VSNL1: variants seen among roughly 807,000 people sequenced by gnomAD.
VSNL1 encodes visinin like 1, also known as visinin-like protein 1.
VSNL1 carries 6 observed loss-of-function variants against 20.4 expected under a neutral mutation model. The observed-to-expected ratio is 0.29, with a 90% CI of 0.16 to 0.58. The LOEUF (loss-of-function observed/expected upper bound fraction) is 0.58. Ranked by LOEUF, VSNL1 falls within the 20% of genes least tolerant of loss-of-function variation. The pLI is 0.90. For missense variants in VSNL1, 100 were observed against 234.5 expected (o/e 0.43, Z 3.75); for synonymous variants, 93 against 86.4 (o/e 1.08, Z -0.42).
At chr2:17,607,828 A>T (rs909112789) in intron 2 of VSNL1, among the ~76,000 whole-genome samples, 1 of 152,272 alleles carries the variant, frequency 6.6e-6, no homozygotes, top group Non-Finnish European at 1.5e-5. Context: ...GAAATGAAAC[A>T]TTTAAAGAGT....
At chr2:17,606,632 A>G (rs2555084) in intron 2 of VSNL1, among the ~76,000 whole-genome samples, 107,563 of 152,004 alleles carry the variant, frequency 0.71, 39,679 homozygotes, top group Middle Eastern at 0.89. Flanking sequence ...ATGACCATAA[A>G]CTGGGATCAT....
At chr2:17,647,716 G>C (rs1666028505) in intron 2 of VSNL1, among the ~76,000 whole-genome samples, 1 of 152,120 alleles carries the variant, frequency 6.6e-6, no homozygotes, top group Non-Finnish European at 1.5e-5. Context: ...CTGAGCTTTA[G>C]TAATACTTTG....
chr2:17,552,014 C>T (rs1473692818), intron 1 of VSNL1, among the ~76,000 whole-genome samples: 6 of 148,474 alleles, frequency 4.0e-5, no homozygotes, highest in African/African-American at 7.3e-5. Flanking sequence ...CTGGCTAACA[C>T]GGTGAAACCC....
At chr2:17,583,986 G>A (rs1664409538) in intron 1 of VSNL1, among the ~76,000 whole-genome samples, 1 of 152,132 alleles carries the variant, frequency 6.6e-6, no homozygotes, top group African/African-American at 2.4e-5. Context: ...CTCATGGAAG[G>A]CACTGTTGGA....
At chr2:17,567,484 G>C (rs898221500) in intron 1 of VSNL1, 1 of 150,374 alleles carries the variant, frequency 6.7e-6, no homozygotes, top group South Asian at 2.1e-4. Context: ...TCAGCCTCCG[G>C]AGTAGCTGGG....
rs565826119 is a variant in VSNL1, at chr2:17,623,497, G to A, written c.163-25913G>A. The stretch of plus-strand genomic sequence containing the variant: ...ATCCTGGCTAACACGGCGAAACCCC[G>A]TCTCTACTAAAAATACAAAAAAATT... On this transcript the variant is annotated intron_variant, in intron 2 of 3. Transcript: ENST00000295156. Among the ~76,000 whole-genome samples the A allele has an allele frequency of 1.5e-4, 23 of 151,842 alleles. No homozygotes were observed. In the South Asian group the frequency reaches 3.7e-3, roughly 25 times the overall value.
At chr2:17,608,322 T>C (rs375999860) in intron 2 of VSNL1, among the ~76,000 whole-genome samples, 16 of 152,368 alleles carry the variant, frequency 1.1e-4, no homozygotes, top group African/African-American at 3.8e-4. Flanking sequence ...TTAAAAAATG[T>C]GACATGTCTA....
chr2:17,610,265 A>T (rs1290491557), intron 2 of VSNL1, among the ~76,000 whole-genome samples: 1 of 152,146 alleles, frequency 6.6e-6, no homozygotes, highest in Non-Finnish European at 1.5e-5. Flanking sequence ...TCAAATTAGG[A>T]TTCTGGAATG....
intron 1 of VSNL1, among the ~76,000 whole-genome samples, chr2:17,551,954 T>C (rs1663548090): frequency 6.8e-6 from 1 of 147,380 alleles, no homozygotes; most frequent in African/African-American, 2.5e-5. Context: ...ATCCCAGCAC[T>C]TTGGGAGGCC....
intron 2 of VSNL1, among the ~76,000 whole-genome samples, chr2:17,620,605 A>G (rs933025416): frequency 6.6e-6 from 1 of 152,218 alleles, no homozygotes; most frequent in Non-Finnish European, 1.5e-5. Context: ...AGTAGAATGC[A>G]GTCATCACTC....
intron 1 of VSNL1, among the ~76,000 whole-genome samples, chr2:17,569,616 C>T (rs1344266402): frequency 6.6e-6 from 1 of 152,102 alleles, no homozygotes; most frequent in Non-Finnish European, 1.5e-5. Flanking sequence ...TCACTGTGCT[C>T]CATTCCAGAT....
chr2:17,639,552 A>G (rs190361826), intron 2 of VSNL1, among the ~76,000 whole-genome samples: 2 of 152,290 alleles, frequency 1.3e-5, no homozygotes, highest in African/African-American at 4.8e-5. Context: ...ATGAAAGAAG[A>G]TCATTTCCTC....
intron 2 of VSNL1, among the ~76,000 whole-genome samples, chr2:17,606,308 C>CA (rs35569237): frequency 0.24 from 36,571 of 152,096 alleles, 5,746 homozygotes; most frequent in Middle Eastern, 0.48. Context: ...AGTGAAGAGT[C>CA]GGGGGCTGGA....
intron 2 of VSNL1, among the ~76,000 whole-genome samples, chr2:17,631,805 C>A (rs185751096): frequency 6.6e-6 from 1 of 152,220 alleles, no homozygotes; most frequent in Non-Finnish European, 1.5e-5. Context: ...AATATACATG[C>A]GTGTATGTGT....
intron 1 of VSNL1, among the ~76,000 whole-genome samples, chr2:17,575,444 G>T (rs530986789): frequency 3.9e-4 from 60 of 152,256 alleles, no homozygotes; most frequent in South Asian, 8.3e-4. Flanking sequence ...TTCGACCTTT[G>T]TCACTCTAGA....
At chr2:17,546,242 C>T (rs1215397847) in intron 1 of VSNL1, among the ~76,000 whole-genome samples, 2 of 152,050 alleles carry the variant, frequency 1.3e-5, no homozygotes, top group East Asian at 1.9e-4. Context: ...CAATTATTAT[C>T]GATGCATAGA....
chr2:17,549,501 ATTAC>A (rs1385056541), intron 1 of VSNL1, among the ~76,000 whole-genome samples: 2 of 152,242 alleles, frequency 1.3e-5, no homozygotes, highest in African/African-American at 2.4e-5. Flanking sequence ...ATAACAAATC[ATTAC>A]TTACAAGACA....
intron 1 of VSNL1, among the ~76,000 whole-genome samples, chr2:17,568,028 A>G (rs1572337320): frequency 6.6e-6 from 1 of 152,162 alleles, no homozygotes; most frequent in Non-Finnish European, 1.5e-5. Flanking sequence ...TACAAATGGC[A>G]TATAGCTGGA....
chr2:17,556,272 A>T (rs1572329605), intron 1 of VSNL1, among the ~76,000 whole-genome samples: 1 of 152,210 alleles, frequency 6.6e-6, no homozygotes, highest in African/African-American at 2.4e-5. Context: ...CCCTGCTTTT[A>T]CATCAGTTAT....
Sources: gnomAD v4.1 joint callset for allele counts (sites outside exome capture counted in the v4.1 genomes callset) on GRCh38, gnomAD v4.1.1 for gene constraint, MANE v1.5 for transcripts, NCBI Gene and HGNC (gene_info 2026-07-23, HGNC 2026-07-21) for gene names.